The following USP45 variants were observed in gnomAD, a reference collection of about 807,000 sequenced individuals.
USP45 encodes the protein ubiquitin carboxyl-terminal hydrolase 45.
Under a neutral mutation model 95.8 loss-of-function variants are expected in USP45, and 89 were observed. That is an observed-to-expected ratio of 0.93 (90% CI 0.78 to 1.11). The LOEUF (loss-of-function observed/expected upper bound fraction) is 1.11. USP45 is among the 50% of genes least tolerant of loss of function. USP45 has a pLI of 0.00. For synonymous variants in USP45, 281 were observed against 316.2 expected, an observed-to-expected ratio of 0.89 and a Z score of 1.18; for missense variants, 898 against 942.5, an observed-to-expected ratio of 0.95 and a Z score of 0.62.
At chr6:99,437,120 T>TCAATC (rs1265804946) in intron 17 of USP45, 126 bp downstream of exon 17, 32 of 727,132 alleles carry the variant, frequency 4.4e-5, no homozygotes, top group South Asian at 8.4e-5. Context: ...ATCAATCAAT[T>TCAATC]AAGTTAAAAT....
chr6:99,432,382 T>C lies in USP45; in HGVS notation c.*3334A>G, dbSNP rs1295202769. On this transcript the variant is annotated 3_prime_UTR_variant, in exon 18 of 18. Coordinates refer to ENST00000500704, the MANE Select transcript of USP45 (RefSeq NM_001346022.3). The stretch of plus-strand genomic sequence containing the variant: ...TGGACTAAGACATAAGCAAATGCAT[T>C]GTTGATAAAACATTCTGTCAATAAC... 1 of 152,108 alleles carries C rather than the reference T, an allele frequency of 6.6e-6. No homozygotes were observed. The highest frequency in any genetic ancestry group is 1.5e-5 in the Non-Finnish European group (1 of 68,036). 9.4% of individuals were successfully genotyped at this position (152,108 alleles called of 1,614,324 possible).
intron 5 of USP45, among the ~76,000 whole-genome samples, chr6:99,491,086 G>A (rs972624966): frequency 6.6e-6 from 1 of 152,074 alleles, no homozygotes; most frequent in African/African-American, 2.4e-5. Context: ...GAATCCTGAG[G>A]TAAAGCAGAA....
intron 10 of USP45, among the ~76,000 whole-genome samples, chr6:99,467,714 T>C (rs963908523): frequency 6.6e-6 from 1 of 152,068 alleles, no homozygotes; most frequent in Non-Finnish European, 1.5e-5. Context: ...GAGATGGCAC[T>C]ATCTCAACAC....
intron 15 of USP45, among the ~76,000 whole-genome samples, chr6:99,442,824 C>T (rs1353070404): frequency 6.7e-6 from 1 of 150,342 alleles, no homozygotes; most frequent in African/African-American, 2.4e-5. Flanking sequence ...TCCAGCCTGG[C>T]AACAGAGGGA....
intron 5 of USP45, among the ~76,000 whole-genome samples, chr6:99,503,250 C>T (rs184326231): frequency 5.9e-5 from 9 of 152,112 alleles, no homozygotes; most frequent in African/African-American, 1.2e-4. Context: ...GGTCTAGACA[C>T]GACATACTTC....
At position 99,445,867 on chromosome 6, in the gene USP45, C is replaced by T; in HGVS notation, c.1905G>A (p.Gly635=). The part of the protein sequence containing the change: ...YQFTSMELLM[G]NNKLLCENCT... Reference sequence around the variant, plus strand: ...AATTCTCACATAGAAGCTTATTATTCCCCATTAGTAATTCCATAGATGTAA... The same window carrying T: ...AATTCTCACATAGAAGCTTATTATTTCCCATTAGTAATTCCATAGATGTAA... Residue 635 remains glycine (G), a synonymous_variant, in exon 14 of 18, where the codon GGG becomes GGA. Coordinates refer to ENST00000500704, the MANE Select transcript of USP45 (RefSeq NM_001346022.3). The T allele has an allele frequency of 6.2e-7, 1 of 1,610,642 alleles. No homozygotes were observed. Among genetic ancestry groups the T allele is most frequent in the Non-Finnish European group, 8.5e-7 (1 of 1,179,180 alleles).
At chr6:99,507,699 G>C (rs1798840614) in intron 3 of USP45, among the ~76,000 whole-genome samples, 168 bp from the exon 4 acceptor site, 1 of 152,130 alleles carries the variant, frequency 6.6e-6, no homozygotes. Context: ...TTAATTTCTT[G>C]CCAACAGGCT....
rs966112443 is a variant in USP45, at chr6:99,433,515, C to T, written c.*2201G>A. On this transcript the variant is annotated 3_prime_UTR_variant, in exon 18 of 18. Coordinates refer to ENST00000500704, the MANE Select transcript of USP45 (RefSeq NM_001346022.3). ...CCATGTGTAATTTAACATGCTTTCT[C>T]TGTTACAAAAGCTATCTTTAGGAAA... The T allele has an allele frequency of 2.0e-5, 3 of 152,544 alleles. No homozygotes were observed. Among genetic ancestry groups the T allele is most frequent in the African/African-American group, 7.2e-5 (3 of 41,424 alleles). 9.4% of individuals were successfully genotyped at this position (152,544 alleles called of 1,614,324 possible). A position where few individuals can be genotyped will look rare whatever the true frequency, so the allele number is the denominator to read the frequency against.
intron 13 of USP45, among the ~76,000 whole-genome samples, chr6:99,460,063 C>G (rs746244219): frequency 2.6e-5 from 4 of 152,160 alleles, no homozygotes; most frequent in Non-Finnish European, 5.9e-5. Flanking sequence ...AGATCTGTTG[C>G]CTTTCCACCA....
chr6:99,455,451 A>AAACAAC (rs148860868), intron 13 of USP45, among the ~76,000 whole-genome samples: 89 of 150,808 alleles, frequency 5.9e-4, no homozygotes, highest in East Asian at 1.2e-3. Context: ...ACTCTGTCTC[A>AAACAAC]AACAACAACA....
At chr6:99,462,042 T>TAC in intron 13 of USP45, 1 of 985,252 alleles carries the variant, frequency 1.0e-6, no homozygotes, top group Non-Finnish European at 1.2e-6. Context: ...TTGAATATAG[T>TAC]ACCTTAAAGA....
chr6:99,444,678 ATAT>A (rs1360320808), intron 14 of USP45, among the ~76,000 whole-genome samples: 2 of 152,060 alleles, frequency 1.3e-5, no homozygotes, highest in African/African-American at 2.4e-5. Flanking sequence ...GAGCCCACTA[ATAT>A]TATTCAAACT....
In USP45 at chr6:99,464,631, G is replaced by A; in HGVS notation, c.1281C>T (p.Ala427=). 2 of 1,612,834 alleles carry A rather than the reference G, an allele frequency of 1.2e-6. No homozygotes were observed. Among genetic ancestry groups the A allele is most frequent in the Non-Finnish European group, 1.7e-6 (2 of 1,179,660 alleles). The stretch of plus-strand genomic sequence containing the variant: ...TATCTTTAGATGAAGAATGCTTCTT[G>A]GCAGCTCTAGGTTGATGAATATTTT... ...TIENIHQPRA[A]KKHSSSKDKS... is the part of the protein sequence containing the mutation. Residue 427 remains alanine (A), a synonymous_variant, in exon 13 of 18, where the codon GCC becomes GCT. Coordinates refer to ENST00000500704, the MANE Select transcript of USP45 (RefSeq NM_001346022.3).
Position 99,437,397 on chromosome 6 carries a change from A to G in USP45, c.2163T>C (p.Asn721=), listed in dbSNP as rs1780708283. The change falls in exon 17 of 18, where the codon AAT becomes AAC. Residue 721 remains asparagine (N), a splice_region_variant and synonymous_variant. Transcript: ENST00000500704. ...AGAGAACTTTATCTCCCACACTTGC[A>G]TTCTTTTAAACAAAGAAAAAAACCC... The part of the protein sequence containing the change: ...LAPFCSATCK[N]ASVGDKVLYG... 3 of 1,584,720 alleles carry G rather than the reference A, an allele frequency of 1.9e-6. No homozygotes were observed. The highest frequency in any genetic ancestry group is 2.6e-6 in the Non-Finnish European group (3 of 1,172,334).
At chr6:99,463,441 C>T (rs1787025084) in intron 13 of USP45, among the ~76,000 whole-genome samples, 1 of 152,036 alleles carries the variant, frequency 6.6e-6, no homozygotes, top group Non-Finnish European at 1.5e-5. Flanking sequence ...ATAAAGGTGA[C>T]AGAGGAATCT....
chr6:99,436,279 C>T (rs929932709), intron 17 of USP45, among the ~76,000 whole-genome samples: 1 of 152,128 alleles, frequency 6.6e-6, no homozygotes, highest in Admixed American at 6.6e-5. Context: ...TGGCCCAGCG[C>T]AGTGGCTCAT....
upstream of USP45, among the ~76,000 whole-genome samples, chr6:99,517,113 CTATTT>C (rs144571877): frequency 0.013 from 1,956 of 152,178 alleles, 34 homozygotes; most frequent in African/African-American, 0.036. Flanking sequence ...TTCTCTAACA[CTATTT>C]TATTTTATTT....
chr6:99,504,045 C>G (rs1181003800), intron 4 of USP45, among the ~76,000 whole-genome samples, 180 bp from the exon 5 acceptor site: 1 of 152,194 alleles, frequency 6.6e-6, no homozygotes, highest in African/African-American at 2.4e-5. Flanking sequence ...CAGAGACTTA[C>G]AGTTGAAATG....
intron 7 of USP45, among the ~76,000 whole-genome samples, chr6:99,486,309 C>T (rs114592857): frequency 1.2e-3 from 177 of 152,120 alleles, no homozygotes; most frequent in African/African-American, 4.2e-3. Context: ...ATGATACAAA[C>T]CTAAAGTTAT....
Sources: gnomAD v4.1 joint callset for allele counts (sites outside exome capture counted in the v4.1 genomes callset) on GRCh38, gnomAD v4.1.1 for gene constraint, MANE v1.5 for transcripts, NCBI Gene and HGNC (gene_info 2026-07-23, HGNC 2026-07-21) for gene names.